Variants in TARS3 observed in about 807,000 individuals in gnomAD.
The protein encoded by TARS3 is threonine--tRNA ligase 2, cytoplasmic.
A neutral mutation model predicts 103.5 loss-of-function variants in TARS3; 94 were observed. The ratio of observed to expected loss-of-function variants is 0.91; its 90% CI spans 0.77 to 1.08. The LOEUF (loss-of-function observed/expected upper bound fraction) is 1.08. Ranked by LOEUF, TARS3 falls within the 50% of genes least tolerant of loss-of-function variation. TARS3 has a pLI of 0.00. For synonymous variants in TARS3, 416 were observed against 355.4 expected (o/e 1.17, Z -1.92); for missense variants, 952 against 995.2 (o/e 0.96, Z 0.58).
intron 5 of TARS3, 32 bp from the exon 6 acceptor site, chr15:101,708,942 C>A (rs769860962): frequency 9.4e-6 from 13 of 1,387,242 alleles, no homozygotes; most frequent in Non-Finnish European, 1.3e-5. Flanking sequence ...CGACATCCAT[C>A]TTCCAGACAT....
intron 15 of TARS3, among the ~76,000 whole-genome samples, chr15:101,671,075 CAG>C (rs1309839475): frequency 6.6e-6 from 1 of 151,926 alleles, no homozygotes; most frequent in African/African-American, 2.4e-5. Context: ...CACACACACA[CAG>C]AGTTAATTTT....
intron 10 of TARS3, among the ~76,000 whole-genome samples, chr15:101,686,402 G>T (rs1458198033): frequency 6.6e-6 from 1 of 152,044 alleles, no homozygotes; most frequent in Non-Finnish European, 1.5e-5. Flanking sequence ...CCTATTAAGA[G>T]GCAGAAAAAA....
intron 15 of TARS3, among the ~76,000 whole-genome samples, chr15:101,669,975 A>G (rs1271825846): frequency 1.3e-5 from 2 of 152,274 alleles, no homozygotes; most frequent in African/African-American, 4.8e-5. Flanking sequence ...ATAATGAGAC[A>G]CTTAGATGCA....
intron 3 of TARS3, among the ~76,000 whole-genome samples, chr15:101,719,107 C>T (rs1002693282): frequency 2.0e-5 from 3 of 152,184 alleles, no homozygotes; most frequent in African/African-American, 4.8e-5. Context: ...AAAGGATGAA[C>T]AGGTGGGCTG....
At chr15:101,709,015 T>C in intron 5 of TARS3, 105 bp from the exon 6 acceptor site, 2 of 736,350 alleles carry the variant, frequency 2.7e-6, no homozygotes, top group Non-Finnish European at 2.2e-6. Context: ...TCTGCTGTCT[T>C]ATTGTTCCAG....
intron 18 of TARS3, among the ~76,000 whole-genome samples, chr15:101,656,694 A>G (rs1897207917): frequency 1.3e-5 from 2 of 152,200 alleles, no homozygotes; most frequent in South Asian, 4.1e-4. Flanking sequence ...ATTGCTAGTA[A>G]AACTATCCCA....
At position 101,701,125 on chromosome 15, in the gene TARS3, T is replaced by C. The variant is rs758069457; in HGVS notation, c.1281A>G (p.Arg427=). 8 of 1,598,508 alleles carry C rather than the reference T, an allele frequency of 5.0e-6. No homozygotes were observed. The highest frequency in any genetic ancestry group is 1.7e-4 in the Middle Eastern group (1 of 5,982). The stretch of plus-strand genomic sequence containing the variant: ...TAAGCGTATTATAAATGAAGGCTCC[T>C]CTGGGAAGGAAAAAACAGCTTCCAG... ...LSPGSCFFLP[R]GAFIYNTLTD... is the part of the protein sequence containing the mutation. Residue 427 remains arginine, a synonymous_variant, in exon 10 of 19, where the codon AGA becomes AGG. Coordinates refer to ENST00000335968, the MANE Select transcript of TARS3 (RefSeq NM_152334.3).
chr15:101,692,865 G>A (rs1898789011), intron 10 of TARS3, among the ~76,000 whole-genome samples: 1 of 152,208 alleles, frequency 6.6e-6, no homozygotes, highest in African/African-American at 2.4e-5. Flanking sequence ...AGAGCTGAAT[G>A]TTTTGAGGCC....
At position 101,721,935 on chromosome 15, in the gene TARS3, T is replaced by C. The variant is rs148016452; in HGVS notation, c.370-613A>G. Among the ~76,000 whole-genome samples the C allele has an allele frequency of 3.0e-3, 453 of 152,368 alleles. 3 individuals are homozygous for C. The highest frequency in any genetic ancestry group is 4.2e-3 in the Admixed American group (65 of 15,308). On this transcript the variant is annotated intron_variant, in intron 2 of 18. Coordinates refer to ENST00000335968, the MANE Select transcript of TARS3 (RefSeq NM_152334.3). ...AGATATTCAACACTTCATAATAAAATAGGCTTTATGTTAGAGGATTTTGCC... is the reference window on the plus strand; with the variant it reads ...AGATATTCAACACTTCATAATAAAACAGGCTTTATGTTAGAGGATTTTGCC...
At chr15:101,689,655 CA>C (rs1048209900) in intron 10 of TARS3, among the ~76,000 whole-genome samples, 1 of 152,152 alleles carries the variant, frequency 6.6e-6, no homozygotes, top group African/African-American at 2.4e-5. Context: ...GACTGGCAAC[CA>C]ACAGTAGCTA....
At chr15:101,713,457 A>G (rs539027296) in intron 4 of TARS3, among the ~76,000 whole-genome samples, 1 of 152,338 alleles carries the variant, frequency 6.6e-6, no homozygotes, top group East Asian at 1.9e-4. Flanking sequence ...ATGGGAATGA[A>G]TTTCAGGGGA....
At position 101,661,793 on chromosome 15, in the gene TARS3, C is replaced by T. The variant is rs1555481605; in HGVS notation, c.1991G>A (p.Arg664Lys). The change falls in exon 16 of 19, where the codon AGA becomes AAA. Residue 664 changes from arginine (R) to lysine (K), a missense_variant. Physicochemically the swap from Arg to Lys is conservative, Grantham distance 26 (BLOSUM62 2). Transcript: ENST00000335968. ...AATGGCTCGATGAATGATCACAGGT[C>T]TCTTCTTATCATCCCCATCCTTACT... is the stretch of plus-strand genomic sequence containing the variant. Reference protein sequence around the residue: ...YVSKDGDDKKRPVIIHRAILG... With the variant: ...YVSKDGDDKKKPVIIHRAILG... 1 of 1,604,302 alleles carries T rather than the reference C, an allele frequency of 6.2e-7. No individual in the cohort carries two copies. Among genetic ancestry groups the T allele is most frequent in the East Asian group, 2.2e-5 (1 of 44,636 alleles).
At chr15:101,673,660 C>T (rs1897908311) in intron 13 of TARS3, among the ~76,000 whole-genome samples, 1 of 152,200 alleles carries the variant, frequency 6.6e-6, no homozygotes, top group South Asian at 2.1e-4. Context: ...TTCCTGCTTC[C>T]ACATGGCTGT....
At chr15:101,693,612 T>C (rs747773315) in intron 10 of TARS3, among the ~76,000 whole-genome samples, 5 of 152,152 alleles carry the variant, frequency 3.3e-5, no homozygotes, top group African/African-American at 9.7e-5. Flanking sequence ...TGAATGACAA[T>C]AGCAGTTTTC....
intron 6 of TARS3, among the ~76,000 whole-genome samples, chr15:101,707,810 G>A (rs1404714902): frequency 6.6e-6 from 1 of 152,154 alleles, no homozygotes; most frequent in East Asian, 1.9e-4. Context: ...TAATGCCACA[G>A]AACTGTATAC....
intron 13 of TARS3, among the ~76,000 whole-genome samples, chr15:101,672,895 T>A (rs899905938): frequency 1.3e-5 from 2 of 152,202 alleles, no homozygotes; most frequent in African/African-American, 4.8e-5. Flanking sequence ...TACCAAGTGA[T>A]GGAAAGAATT....
chr15:101,711,492 A>G (rs1404571297), intron 5 of TARS3, among the ~76,000 whole-genome samples: 1 of 152,206 alleles, frequency 6.6e-6, no homozygotes, highest in East Asian at 1.9e-4. Context: ...CTTCCTCATC[A>G]GCCTACTCAA....
intron 15 of TARS3, among the ~76,000 whole-genome samples, chr15:101,667,325 G>C (rs768904736): frequency 3.9e-5 from 6 of 152,190 alleles, no homozygotes; most frequent in Non-Finnish European, 8.8e-5. Context: ...GTCACCAGCT[G>C]CATTAGCTCC....
Position 101,654,610 on chromosome 15 carries a change from C to G in TARS3, c.2381G>C (p.Arg794Pro). 3.7e-6 allele frequency: 6 copies of G among 1,613,990 alleles called. No homozygotes were observed. Among genetic ancestry groups the G allele is most frequent in the Non-Finnish European group, 5.1e-6 (6 of 1,179,986 alleles). Residue 794 changes from arginine (R) to proline (P), a missense_variant, in exon 19 of 19, where the codon CGG (arginine) becomes CCG (proline). Arg to Pro is a moderately radical substitution (Grantham distance 103). Transcript: ENST00000335968. The stretch of plus-strand genomic sequence containing the variant: ...AAAGGCCTCCTCAGCATTGAGTGTC[C>G]GTGTCTTCCTGAGATTCTTCAGTTT... The part of the protein sequence containing the change: ...IDKLKNLRKT[R>P]TLNAEEAF
Sources: gnomAD v4.1 joint callset for allele counts (sites outside exome capture counted in the v4.1 genomes callset) on GRCh38, gnomAD v4.1.1 for gene constraint, MANE v1.5 for transcripts, NCBI Gene and HGNC (gene_info 2026-07-23, HGNC 2026-07-21) for gene names.